SLC47A1: variants seen among roughly 807,000 people sequenced by gnomAD.
SLC47A1 encodes the protein solute carrier family 47 member 1, also known as multidrug and toxin extrusion protein 1.
A neutral mutation model predicts 65.8 loss-of-function variants in SLC47A1; 58 were observed. The ratio of observed to expected loss-of-function variants is 0.88; its 90% confidence interval spans 0.71 to 1.10. The LOEUF is 1.10. Ranked by LOEUF, SLC47A1 falls within the 50% of genes least tolerant of loss-of-function variation. The pLI, the probability that SLC47A1 is intolerant of heterozygous loss-of-function variation, is 0.00. For synonymous variants in SLC47A1, 285 were observed against 295.0 expected, an observed-to-expected ratio of 0.97 and a Z score of 0.35; for missense variants, 706 against 719.2, an observed-to-expected ratio of 0.98 and a Z score of 0.21.
intron 2 of SLC47A1, 53 bp from the exon 3 acceptor site, chr17:19,546,382 T>G: frequency 6.4e-7 from 1 of 1,567,592 alleles, no homozygotes; most frequent in Non-Finnish European, 8.8e-7. Flanking sequence ...AGGGATTTTG[T>G]CTTCCTTTCC....
intron 4 of SLC47A1, among the ~76,000 whole-genome samples, chr17:19,549,387 C>G (rs561020687): frequency 6.6e-6 from 1 of 151,908 alleles, no homozygotes; most frequent in Non-Finnish European, 1.5e-5. Context: ...TTAGTAGAGA[C>G]GGGGTTTTAC....
chr17:19,573,526 AC>A (rs1239213438), intron 16 of SLC47A1, among the ~76,000 whole-genome samples: 7 of 141,486 alleles, frequency 4.9e-5, no homozygotes, highest in African/African-American at 1.6e-4. Flanking sequence ...TTAAAGAAAA[AC>A]TTTTTTTTTT....
chr17:19,543,520 T>C (rs569525698), intron 2 of SLC47A1, among the ~76,000 whole-genome samples: 2 of 152,020 alleles, frequency 1.3e-5, no homozygotes, highest in African/African-American at 4.8e-5. Flanking sequence ...AGGAACTGAC[T>C]CCCCCCCATG....
Position 19,533,874 on chromosome 17 carries a change from T to TGCCGGCCTGCGCGGTCCC in SLC47A1, c.-66_-65insGCCGGCCTGCGCGGTCCC. 1 of 1,380,840 alleles carries TGCCGGCCTGCGCGGTCCC rather than the reference T, an allele frequency of 7.2e-7. No homozygotes were observed. 85.5% of individuals were successfully genotyped at this position (1,380,840 alleles called of 1,614,324 possible). On this transcript the variant is annotated 5_prime_UTR_variant, in exon 1 of 17. Coordinates refer to ENST00000270570, the MANE Select transcript of SLC47A1 (RefSeq NM_018242.3). ...TACCCACTGCCGGCCTGCGCGGTAC[T>TGCCGGCCTGCGCGGTCCC]CACTGCCGGCCTCCGCGGTACCCAC...
At chr17:19,577,190 T>G in intron 16 of SLC47A1, 137 bp from the exon 17 acceptor site, 9 of 1,244,768 alleles carry the variant, frequency 7.2e-6, no homozygotes, top group South Asian at 1.6e-5. Context: ...AAGATTTCTT[T>G]TATTTATTCA....
At chr17:19,549,592 C>T (rs765765160) in intron 4 of SLC47A1, 43 bp from the exon 5 acceptor site, 20 of 1,584,336 alleles carry the variant, frequency 1.3e-5, no homozygotes, top group Non-Finnish European at 1.7e-5. Context: ...GAAACAGAGG[C>T]CTCCATCACA....
intron 1 of SLC47A1, among the ~76,000 whole-genome samples, chr17:19,536,629 T>C (rs1295634041): frequency 6.6e-5 from 10 of 152,216 alleles, no homozygotes; most frequent in Admixed American, 5.9e-4. Context: ...ATGAAGTGTA[T>C]GTGGACCGGC....
intron 1 of SLC47A1, among the ~76,000 whole-genome samples, chr17:19,541,618 C>T (rs1279462364): frequency 6.6e-6 from 1 of 152,182 alleles, no homozygotes; most frequent in Non-Finnish European, 1.5e-5. Flanking sequence ...GAGTCCGGAT[C>T]CCGCTGGGAC....
At position 19,566,823 on chromosome 17, in the gene SLC47A1, A is replaced by C; in HGVS notation, c.1140A>C (p.Pro380=). The change falls in exon 13 of 17, where the codon CCA becomes CCC. Residue 380 remains proline, a synonymous_variant. Coordinates refer to ENST00000270570, the MANE Select transcript of SLC47A1 (RefSeq NM_018242.3). Reference sequence around the variant, plus strand: ...TTAATCTGGTGGCTCAGGTGGTTCCAATTTATGCTGTTTCCCACCTCTTTG... The same window carrying C: ...TTAATCTGGTGGCTCAGGTGGTTCCCATTTATGCTGTTTCCCACCTCTTTG... ...DIINLVAQVV[P]IYAVSHLFEA... is the part of the protein sequence containing the mutation. The C allele has an allele frequency of 6.2e-7, 1 of 1,614,180 alleles. No individual in the cohort carries two copies. Among genetic ancestry groups the C allele is most frequent in the Non-Finnish European group, 8.5e-7 (1 of 1,180,032 alleles).
chr17:19,559,594 C>T (rs1484109675), intron 10 of SLC47A1, among the ~76,000 whole-genome samples: 1 of 152,224 alleles, frequency 6.6e-6, no homozygotes, highest in Non-Finnish European at 1.5e-5. Context: ...TGTAGTGGCA[C>T]TATCGCAGCT....
At chr17:19,537,623 G>A (rs1322164351) in intron 1 of SLC47A1, among the ~76,000 whole-genome samples, 1 of 152,228 alleles carries the variant, frequency 6.6e-6, no homozygotes, top group Non-Finnish European at 1.5e-5. Context: ...TTTGGCTTTA[G>A]CTCCTTAAAT....
chr17:19,566,361 A>G (rs562638840), intron 12 of SLC47A1, among the ~76,000 whole-genome samples: 1 of 152,288 alleles, frequency 6.6e-6, no homozygotes, highest in Non-Finnish European at 1.5e-5. Flanking sequence ...GGACCCAGCA[A>G]CAGGTGAACT....
intron 12 of SLC47A1, 111 bp downstream of exon 12, chr17:19,560,604 T>C: frequency 8.9e-7 from 1 of 1,123,452 alleles, no homozygotes; most frequent in South Asian, 1.3e-5. Context: ...TTTGAAATCA[T>C]ATCAGTAAAA....
chr17:19,552,358 C>A (rs546487996), intron 6 of SLC47A1, among the ~76,000 whole-genome samples: 3 of 152,190 alleles, frequency 2.0e-5, no homozygotes, highest in African/African-American at 7.2e-5. Context: ...ATTACTCTAT[C>A]AACAAAACAA....
chr17:19,555,528 TC>T, intron 7 of SLC47A1, 64 bp from the exon 8 acceptor site: 1 of 1,516,288 alleles, frequency 6.6e-7, no homozygotes, highest in Non-Finnish European at 9.2e-7. Context: ...TCTCCCCTCC[TC>T]ACTGAGTTGG....
rs1458776678 is a variant in SLC47A1, at chr17:19,534,059, C to T, written c.120C>T (p.Val40=). 1.3e-6 allele frequency: 2 copies of T among 1,543,356 alleles called. No individual in the cohort carries two copies. The highest frequency in any genetic ancestry group is 1.7e-6 in the Non-Finnish European group (2 of 1,145,292). ...GAGAAGAGCTGCGGGCGCTCTTGGT[C>T]CTGGCTGGCCCCGCGGTGAGTAAGG... is the stretch of plus-strand genomic sequence containing the variant. The part of the protein sequence containing the change: ...AFREELRALL[V]LAGPAFLVQL... Residue 40 remains valine (V), a synonymous_variant, in exon 1 of 17, where the codon GTC becomes GTT. Coordinates refer to ENST00000270570, the MANE Select transcript of SLC47A1 (RefSeq NM_018242.3).
chr17:19,555,428 A>C, intron 7 of SLC47A1, 119 bp downstream of exon 7: 1 of 1,309,966 alleles, frequency 7.6e-7, no homozygotes, highest in Non-Finnish European at 1.1e-6. Context: ...TCTTTCTTGC[A>C]CACTGTGGAA....
chr17:19,565,554 G>C (rs2084349060), intron 12 of SLC47A1, among the ~76,000 whole-genome samples: 1 of 149,482 alleles, frequency 6.7e-6, no homozygotes, highest in Non-Finnish European at 1.5e-5. Flanking sequence ...TTAGTCACCT[G>C]CAGTCAATTT....
intron 7 of SLC47A1, 56 bp downstream of exon 7, chr17:19,555,365 C>T (rs771955473): frequency 7.0e-6 from 11 of 1,579,924 alleles, no homozygotes; most frequent in African/African-American, 1.3e-5. Context: ...TGTGGTTTTT[C>T]CAGGAGGGAG....
Sources: gnomAD v4.1 joint callset for allele counts (sites outside exome capture counted in the v4.1 genomes callset) on GRCh38, gnomAD v4.1.1 for gene constraint, MANE v1.5 for transcripts, NCBI Gene and HGNC (gene_info 2026-07-23, HGNC 2026-07-21) for gene names.